Variants in LDLRAD4 observed in about 807,000 individuals in gnomAD.
LDLRAD4 encodes the protein low density lipoprotein receptor class A domain containing 4, also known as low-density lipoprotein receptor class A domain-containing protein 4.
Under a neutral mutation model 17.0 loss-of-function variants are expected in LDLRAD4, and 5 were observed. That is an observed-to-expected ratio of 0.29 (90% confidence interval 0.15 to 0.62). LDLRAD4 has a LOEUF of 0.62. Ranked by LOEUF, LDLRAD4 falls within the 20% of genes least tolerant of loss-of-function variation. The probability of loss-of-function intolerance (pLI) is 0.84; values close to 1 mark genes in which losing one functional copy is unlikely to be tolerated. For synonymous variants in LDLRAD4, 168 were observed against 171.8 expected (o/e 0.98, Z 0.17); for missense variants, 340 against 424.7 (o/e 0.80, Z 1.75).
chr18:13,342,655 C>A lies in LDLRAD4; in HGVS notation c.-382-44686C>A, dbSNP rs534747430. Among the ~76,000 whole-genome samples the A allele has an allele frequency of 2.2e-4, 34 of 151,768 alleles. No individual in the cohort carries two copies. The South Asian group carries it at 7.1e-3, about 32-fold the overall frequency. On this transcript the variant is annotated intron_variant, in intron 1 of 5. Transcript: ENST00000359446. ...TGATATTAGTATAGCCACCACTGCT[C>A]TCTTTTCATTACTATTTGCATGGAA... is the stretch of plus-strand genomic sequence containing the variant.
intron 3 of LDLRAD4, among the ~76,000 whole-genome samples, chr18:13,518,402 A>G (rs140742947): frequency 1.3e-5 from 2 of 152,118 alleles, no homozygotes; most frequent in African/African-American, 4.8e-5. Flanking sequence ...TTCAAATGGG[A>G]TTGTCATTTT....
intron 1 of LDLRAD4, among the ~76,000 whole-genome samples, chr18:13,295,229 T>G (rs1314517686): frequency 2.0e-5 from 3 of 152,218 alleles, no homozygotes; most frequent in Non-Finnish European, 2.9e-5. Flanking sequence ...CACACAGGGC[T>G]TACCCTCCAC....
At chr18:13,474,541 A>G (rs1373546100) in intron 3 of LDLRAD4, among the ~76,000 whole-genome samples, 1 of 152,222 alleles carries the variant, frequency 6.6e-6, no homozygotes, top group Non-Finnish European at 1.5e-5. Flanking sequence ...CTGATACCCC[A>G]GTGAGGACTT....
At chr18:13,649,252 T>A (rs1328814138) in exon 6 of LDLRAD4, 1 of 152,236 alleles carries the variant, frequency 6.6e-6, no homozygotes, top group Non-Finnish European at 1.5e-5. Flanking sequence ...CGTATCTCCG[T>A]TTGATCTCTT....
intron 2 of LDLRAD4, 130 bp downstream of exon 3, chr18:13,387,892 C>A: frequency 1.3e-6 from 1 of 749,332 alleles, no homozygotes; most frequent in Admixed American, 2.1e-5. Context: ...AGGGCTCAGG[C>A]TGCTGTGGTG....
chr18:13,491,937 T>G (rs185655901), intron 3 of LDLRAD4, among the ~76,000 whole-genome samples: 1 of 152,318 alleles, frequency 6.6e-6, no homozygotes, highest in East Asian at 1.9e-4. Context: ...GTAGAGGCGC[T>G]TCCATCATTC....
At chr18:13,400,403 G>A (rs942310556) in intron 2 of LDLRAD4, among the ~76,000 whole-genome samples, 4 of 152,210 alleles carry the variant, frequency 2.6e-5, no homozygotes, top group African/African-American at 9.6e-5. Context: ...AGGAATTTGG[G>A]CTTGGGTCAG....
chr18:13,569,388 T>C (rs1224950607), intron 3 of LDLRAD4, among the ~76,000 whole-genome samples: 4 of 152,242 alleles, frequency 2.6e-5, no homozygotes, highest in Non-Finnish European at 4.4e-5. Context: ...AGTTGCAGGA[T>C]AAGCCAATTA....
chr18:13,544,285 G>A (rs2094328163), intron 3 of LDLRAD4, among the ~76,000 whole-genome samples: 1 of 152,242 alleles, frequency 6.6e-6, no homozygotes, highest in Non-Finnish European at 1.5e-5. Context: ...TGTCTAGGGT[G>A]CCATGGAGGC....
chr18:13,403,720 C>A (rs2087442509), intron 2 of LDLRAD4, among the ~76,000 whole-genome samples: 1 of 152,208 alleles, frequency 6.6e-6, no homozygotes, highest in African/African-American at 2.4e-5. Flanking sequence ...TTGTAAAATC[C>A]TCGTGGGACT....
At chr18:13,509,904 A>G (rs902375045) in intron 3 of LDLRAD4, among the ~76,000 whole-genome samples, 4 of 152,256 alleles carry the variant, frequency 2.6e-5, no homozygotes, top group African/African-American at 7.2e-5. Flanking sequence ...ATGAAGGCTC[A>G]GGTGATCATT....
At chr18:13,273,192 A>G (rs540395088), upstream of LDLRAD4, among the ~76,000 whole-genome samples, 10 of 152,252 alleles carry the variant, frequency 6.6e-5, no homozygotes, top group East Asian at 9.7e-4. Context: ...GGTTTTGGGA[A>G]GGGTGCCTTT....
intron 1 of LDLRAD4, among the ~76,000 whole-genome samples, chr18:13,328,470 A>C (rs1178918197): frequency 6.6e-6 from 1 of 152,186 alleles, no homozygotes; most frequent in African/African-American, 2.4e-5. Flanking sequence ...TTCTGGCCGG[A>C]GGCTACACTT....
At chr18:13,268,913 T>A (rs1034602561) in intron 1 of LDLRAD4, among the ~76,000 whole-genome samples, 2 of 152,236 alleles carry the variant, frequency 1.3e-5, no homozygotes, top group South Asian at 4.1e-4. Flanking sequence ...TTGACATTAT[T>A]CGCCAACAAT....
At chr18:13,614,670 A>T (rs1480381190) in intron 3 of LDLRAD4, 1 of 152,168 alleles carries the variant, frequency 6.6e-6, no homozygotes, top group Non-Finnish European at 1.5e-5. Flanking sequence ...GAGTATTTTT[A>T]TACTAACAGT....
At chr18:13,291,705 T>C (rs146904208) in intron 1 of LDLRAD4, among the ~76,000 whole-genome samples, 10 of 152,348 alleles carry the variant, frequency 6.6e-5, no homozygotes, top group African/African-American at 2.2e-4. Flanking sequence ...GATCGATCTT[T>C]AAAAACTCCT....
intron 1 of LDLRAD4, among the ~76,000 whole-genome samples, chr18:13,363,475 G>A (rs1419850796): frequency 6.6e-6 from 1 of 152,174 alleles, no homozygotes; most frequent in African/African-American, 2.4e-5. Context: ...AGTGTGCAAG[G>A]GTGTGTTTTA....
intron 3 of LDLRAD4, chr18:13,490,636 A>T (rs1462284422): frequency 6.6e-6 from 1 of 152,204 alleles, no homozygotes; most frequent in African/African-American, 2.4e-5. Context: ...ACTTTTCTAT[A>T]TGTATATATT....
intron 1 of LDLRAD4, among the ~76,000 whole-genome samples, chr18:13,331,061 G>T (rs145284755): frequency 6.6e-6 from 1 of 152,314 alleles, no homozygotes; most frequent in East Asian, 1.9e-4. Flanking sequence ...GTATAATAAA[G>T]CAGTAAAGGT....
Sources: gnomAD v4.1 joint callset for allele counts (sites outside exome capture counted in the v4.1 genomes callset) on GRCh38, gnomAD v4.1.1 for gene constraint, MANE v1.5 for transcripts, NCBI Gene and HGNC (gene_info 2026-07-23, HGNC 2026-07-21) for gene names.